The following DOP1B variants were observed in gnomAD, a reference collection of about 807,000 sequenced individuals.
DOP1B encodes the protein DOP1 leucine zipper like protein B, also known as protein DOP1B.
A neutral mutation model predicts 233.5 loss-of-function variants in DOP1B; 174 were observed. The observed-to-expected ratio is 0.75, with a 90% CI of 0.66 to 0.85. The LOEUF is 0.85. DOP1B is among the 40% of genes least tolerant of loss of function. The pLI is 0.00. For synonymous variants in DOP1B, 1,190 were observed against 1,185.6 expected, an observed-to-expected ratio of 1.00 and a Z score of -0.08; for missense variants, 2,652 against 2,846.6, an observed-to-expected ratio of 0.93 and a Z score of 1.56.
rs561847713 is a variant in DOP1B, at chr21:36,253,902, G to A, written c.5252G>A (p.Gly1751Asp). The A allele has an allele frequency of 4.0e-5, 65 of 1,613,830 alleles. No individual in the cohort carries two copies. The highest frequency in any genetic ancestry group is 3.3e-4 in the East Asian group (15 of 44,872). ...VVKRPPQVKG[G>D]DEKSPLVDIP... is the part of the protein sequence containing the mutation. Reference sequence around the variant, plus strand: ...AAGAGGCCACCCCAAGTCAAAGGGGGTGATGAGGTGAGGAGCCTGGGGAAG... The same window carrying A: ...AAGAGGCCACCCCAAGTCAAAGGGGATGATGAGGTGAGGAGCCTGGGGAAG... Residue 1751 changes from glycine (G) to aspartate (D), a missense_variant, in exon 23 of 37, where the codon GGT (glycine) becomes GAT (aspartate). Transcript: ENST00000691173.
chr21:36,280,479 A>T, intron 31 of DOP1B, 133 bp downstream of exon 31: 1 of 558,282 alleles, frequency 1.8e-6, no homozygotes, highest in Non-Finnish European at 3.1e-6. Context: ...CTGTAATGTG[A>T]TGTTCATAAT....
chr21:36,227,732 G>A lies in DOP1B; in HGVS notation c.1520G>A (p.Gly507Asp). 6.2e-7 allele frequency: 1 copy of A among 1,605,736 alleles called. No homozygotes were observed. The highest frequency in any genetic ancestry group is 8.5e-7 in the Non-Finnish European group (1 of 1,174,476). The change falls in exon 13 of 37, where the codon GGC (glycine) becomes GAC (aspartate). Residue 507 changes from glycine to aspartate, a missense_variant. Transcript: ENST00000691173. ...ACCCAGTATCTCCCTCAGGTGCTCG[G>A]CTGCCTGGTGCAGCCTCTTGCTGAG... is the stretch of plus-strand genomic sequence containing the variant. The part of the protein sequence containing the change: ...VQTQYLPQVL[G>D]CLVQPLAEDM...
At chr21:36,254,952 T>A (rs192612156) in intron 23 of DOP1B, among the ~76,000 whole-genome samples, 4 of 150,522 alleles carry the variant, frequency 2.7e-5, no homozygotes, top group Admixed American at 2.6e-4. Flanking sequence ...TGTAACTTTT[T>A]TTTTTTTTTT....
At chr21:36,285,524 G>A (rs1379729596) in intron 32 of DOP1B, among the ~76,000 whole-genome samples, 6 of 152,110 alleles carry the variant, frequency 3.9e-5, no homozygotes, top group Non-Finnish European at 8.8e-5. Flanking sequence ...TTGTCCCCAG[G>A]ATGCTCGTGG....
intron 2 of DOP1B, among the ~76,000 whole-genome samples, chr21:36,165,897 A>T (rs994652799): frequency 6.7e-6 from 1 of 150,278 alleles, no homozygotes; most frequent in Non-Finnish European, 1.5e-5. Flanking sequence ...TTGTATTTTT[A>T]GTAGAGACTG....
intron 2 of DOP1B, among the ~76,000 whole-genome samples, chr21:36,179,454 A>G (rs2066069949): frequency 1.3e-5 from 2 of 152,234 alleles, no homozygotes; most frequent in Admixed American, 6.5e-5. Context: ...ATGATTAGAA[A>G]ATCAGTAAGT....
At chr21:36,188,650 A>G (rs552910465) in intron 2 of DOP1B, among the ~76,000 whole-genome samples, 43 of 152,272 alleles carry the variant, frequency 2.8e-4, no homozygotes, top group African/African-American at 9.9e-4. Context: ...TGACTTCCAG[A>G]AGGAAGACAT....
chr21:36,208,904 G>T lies in DOP1B; in HGVS notation c.681G>T (p.Thr227=). The T allele has an allele frequency of 1.3e-6, 2 of 1,529,460 alleles. No homozygotes were observed. The highest frequency in any genetic ancestry group is 1.8e-6 in the Non-Finnish European group (2 of 1,138,398). The allele number at this position is 1,529,460 out of a possible 1,614,324, so 94.7% of individuals were successfully genotyped here. Reference sequence around the variant, plus strand: ...TGCTGGGGACCAATCACCAACTCACGGTGGGTGCTGTGTTCCTCACAGGGC... The same window carrying T: ...TGCTGGGGACCAATCACCAACTCACTGTGGGTGCTGTGTTCCTCACAGGGC... ...KYMLGTNHQL[T]VKSLRASLLD... is the part of the protein sequence containing the mutation. Residue 227 remains threonine (T), a splice_region_variant and synonymous_variant, in exon 5 of 37, where the codon ACG becomes ACT. Transcript: ENST00000691173.
intron 11 of DOP1B, 31 bp from the exon 12 acceptor site, chr21:36,225,534 G>A (rs1280842529): frequency 1.2e-6 from 2 of 1,613,146 alleles, no homozygotes; most frequent in Non-Finnish European, 1.7e-6. Flanking sequence ...CCTGGCCAAA[G>A]AATGGATTTT....
chr21:36,208,734 A>G lies in DOP1B; in HGVS notation c.511A>G (p.Arg171Gly). Residue 171 changes from arginine (R) to glycine (G), a missense_variant, in exon 5 of 37, where the codon AGA becomes GGA. Coordinates refer to ENST00000691173, the MANE Select transcript of DOP1B (RefSeq NM_001320714.2). ...CAACAGAACGGATGCTCTGCTCCTG[A>G]GACTGTCGCTGGTGGTTGGCAAAGA... ...ISDRTDALLLRLSLVVGKEVF... is the reference protein window; with the variant it reads ...ISDRTDALLLGLSLVVGKEVF... The G allele has an allele frequency of 6.2e-7, 1 of 1,613,408 alleles. No homozygotes were observed.
rs563878103 is a variant in DOP1B at position 36,213,340 on chromosome 21, C to T, written c.905-741C>T. Among the ~76,000 whole-genome samples the T allele has an allele frequency of 3.0e-3, 463 of 152,198 alleles. 4 individuals carry two copies. The highest frequency in any genetic ancestry group is 2.6e-3 in the Non-Finnish European group (178 of 67,996). On this transcript the variant is annotated intron_variant, in intron 7 of 36. Coordinates refer to ENST00000691173, the MANE Select transcript of DOP1B (RefSeq NM_001320714.2). ...GTGCCAGCTCTGGCTCACTTACTTGCGGCCCCAGGAGCCCCATATTCTTTG... is the reference window on the plus strand; with the variant it reads ...GTGCCAGCTCTGGCTCACTTACTTGTGGCCCCAGGAGCCCCATATTCTTTG...
chr21:36,211,284 G>T (rs1424228924), intron 5 of DOP1B, among the ~76,000 whole-genome samples: 1 of 152,146 alleles, frequency 6.6e-6, no homozygotes, highest in African/African-American at 2.4e-5. Context: ...TTCTGGGATC[G>T]TAGAATTTGA....
At chr21:36,171,678 A>T (rs921318529) in intron 2 of DOP1B, among the ~76,000 whole-genome samples, 1 of 152,218 alleles carries the variant, frequency 6.6e-6, no homozygotes, top group African/African-American at 2.4e-5. Flanking sequence ...CAGATTGTCT[A>T]TGCAGCCTTC....
At chr21:36,256,526 A>G (rs1337535605) in intron 23 of DOP1B, among the ~76,000 whole-genome samples, 2 of 152,240 alleles carry the variant, frequency 1.3e-5, no homozygotes, top group African/African-American at 4.8e-5. Context: ...CGATGTTCAT[A>G]GCAGCATTAT....
rs2067272637 is a variant in DOP1B at position 36,270,293 on chromosome 21, C to T, written c.5632+136C>T. On this transcript the variant is annotated intron_variant, in intron 27 of 36. Coordinates refer to ENST00000691173, the MANE Select transcript of DOP1B (RefSeq NM_001320714.2). ...GTAGGCTGGGTGCGGTGGCTCACGC[C>T]TGTAATCCCAGCACTTTGGGAGACC... 6.1e-6 allele frequency: 6 copies of T among 975,924 alleles called. No homozygotes were observed. The East Asian group carries it at 1.3e-4, about 21-fold the overall frequency. 60.5% of individuals were successfully genotyped at this position (975,924 alleles called of 1,614,324 possible).
At chr21:36,175,944 CCACCTGT>C (rs1312524980) in intron 2 of DOP1B, 3 of 152,384 alleles carry the variant, frequency 2.0e-5, no homozygotes. Flanking sequence ...GGCTGTCTCT[CCACCTGT>C]CACCTGTTTA....
intron 8 of DOP1B, 36 bp from the exon 9 acceptor site, chr21:36,214,406 A>G: frequency 6.3e-7 from 1 of 1,578,788 alleles, no homozygotes; most frequent in Non-Finnish European, 8.7e-7. Flanking sequence ...TTTATGATAT[A>G]CGATATTCTA....
At position 36,216,847 on chromosome 21, in the gene DOP1B, T is replaced by G. The variant is rs541883387; in HGVS notation, c.1129+2291T>G. On this transcript the variant is annotated intron_variant, in intron 9 of 36. Coordinates refer to ENST00000691173, the MANE Select transcript of DOP1B (RefSeq NM_001320714.2). ...ATCCCAGCACTTTGGAAGGCCAAGG[T>G]GGGCCTCACTTGAGGTGAGGAGTTT... Among the ~76,000 whole-genome samples the G allele has an allele frequency of 2.0e-4, 31 of 151,912 alleles. No individual in the cohort carries two copies. The East Asian group carries it at 5.8e-3, about 29-fold the overall frequency.
At position 36,230,577 on chromosome 21, in the gene DOP1B, C is replaced by T. The variant is rs773107187; in HGVS notation, c.1793C>T (p.Pro598Leu). 7 of 1,614,074 alleles carry T rather than the reference C, an allele frequency of 4.3e-6. No individual in the cohort carries two copies. The highest frequency in any genetic ancestry group is 2.2e-5 in the East Asian group (1 of 44,888). The part of the protein sequence containing the change: ...DSGIGLSASS[P>L]ELSEHLRVPR... The stretch of plus-strand genomic sequence containing the variant: ...GGGATCGGGCTCAGTGCCTCGTCAC[C>T]GGAGCTCTCTGAGCACTTGAGGGTT... Residue 598 changes from proline to leucine, a missense_variant, in exon 14 of 37, where the codon CCG (proline) becomes CTG (leucine). Coordinates refer to ENST00000691173, the MANE Select transcript of DOP1B (RefSeq NM_001320714.2).
Sources: gnomAD v4.1 joint callset for allele counts (sites outside exome capture counted in the v4.1 genomes callset) on GRCh38, gnomAD v4.1.1 for gene constraint, MANE v1.5 for transcripts, NCBI Gene and HGNC (gene_info 2026-07-23, HGNC 2026-07-21) for gene names.